MYO3B: variants seen among roughly 807,000 people sequenced by gnomAD.
MYO3B encodes myosin IIIB.
MYO3B carries 156 observed loss-of-function variants against 174.6 expected under a neutral mutation model. The observed-to-expected ratio is 0.89, with a 90% CI of 0.78 to 1.02. The LOEUF (loss-of-function observed/expected upper bound fraction) is 1.02. Ranked by LOEUF, MYO3B falls within the 50% of genes least tolerant of loss-of-function variation. MYO3B has a pLI of 0.00. For synonymous variants in MYO3B, 563 were observed against 569.1 expected, an observed-to-expected ratio of 0.99 and a Z score of 0.15; for missense variants, 1,632 against 1,639.4, an observed-to-expected ratio of 1.00 and a Z score of 0.08.
intron 24 of MYO3B, among the ~76,000 whole-genome samples, chr2:170,465,961 T>C (rs543871908): frequency 6.6e-6 from 1 of 152,298 alleles, no homozygotes; most frequent in African/African-American, 2.4e-5. Flanking sequence ...GAGAGCCCTG[T>C]ACCAGCTGCT....
intron 30 of MYO3B, among the ~76,000 whole-genome samples, chr2:170,528,945 G>A (rs1017817308): frequency 6.6e-5 from 10 of 152,164 alleles, no homozygotes; most frequent in African/African-American, 1.7e-4. Flanking sequence ...TTAGGCTCAC[G>A]TGCTCTCTGG....
At chr2:170,461,788 AAAAG>A (rs1193197029) in intron 23 of MYO3B, among the ~76,000 whole-genome samples, 3 of 152,188 alleles carry the variant, frequency 2.0e-5, no homozygotes, top group Admixed American at 6.5e-5. Flanking sequence ...AAAAAAAAAA[AAAAG>A]AAGTGGTGGA....
chr2:170,592,444 C>T (rs1693876489), intron 32 of MYO3B, among the ~76,000 whole-genome samples: 2 of 152,126 alleles, frequency 1.3e-5, no homozygotes, highest in Admixed American at 6.5e-5. Context: ...ATTAGAAAGC[C>T]TCCCCAAACA....
At chr2:170,631,076 A>G (rs538133759) in intron 32 of MYO3B, among the ~76,000 whole-genome samples, 18 of 152,326 alleles carry the variant, frequency 1.2e-4, no homozygotes, top group Non-Finnish European at 2.2e-4. Context: ...TTGAGAGAAG[A>G]AGGCTTCAGA....
At chr2:170,292,966 T>C (rs1417646284) in intron 7 of MYO3B, among the ~76,000 whole-genome samples, 1 of 152,056 alleles carries the variant, frequency 6.6e-6, no homozygotes, top group African/African-American at 2.4e-5. Flanking sequence ...ACCACCTCAA[T>C]CTCACATTTT....
chr2:170,467,714 C>T (rs1322294182), intron 25 of MYO3B, among the ~76,000 whole-genome samples: 2 of 149,992 alleles, frequency 1.3e-5, no homozygotes, highest in African/African-American at 4.9e-5. Context: ...TGCCCAAAGT[C>T]ATTTTTTCCA....
At chr2:170,510,852 C>G (rs750136242) in intron 28 of MYO3B, among the ~76,000 whole-genome samples, 7 of 152,106 alleles carry the variant, frequency 4.6e-5, no homozygotes, top group Non-Finnish European at 8.8e-5. Context: ...ACTTTTGAGT[C>G]TGGCTTTTTT....
chr2:170,534,673 T>G (rs1689572462), intron 30 of MYO3B, among the ~76,000 whole-genome samples: 1 of 152,180 alleles, frequency 6.6e-6, no homozygotes, highest in African/African-American at 2.4e-5. Context: ...CTTTTGAGCT[T>G]AAGCAGTCCT....
intron 32 of MYO3B, among the ~76,000 whole-genome samples, chr2:170,581,139 C>T (rs116144913): frequency 0.024 from 3,586 of 152,240 alleles, 66 homozygotes; most frequent in East Asian, 0.047. Flanking sequence ...CTCATACCAG[C>T]AGACTGATGA....
At chr2:170,579,755 T>C (rs923006062) in intron 32 of MYO3B, among the ~76,000 whole-genome samples, 5 of 152,194 alleles carry the variant, frequency 3.3e-5, no homozygotes, top group Non-Finnish European at 7.3e-5. Flanking sequence ...CTTGGAGCCA[T>C]TGGCACTACC....
At chr2:170,415,864 T>C (rs1430666262) in intron 22 of MYO3B, among the ~76,000 whole-genome samples, 1 of 152,198 alleles carries the variant, frequency 6.6e-6, no homozygotes, top group East Asian at 1.9e-4. Context: ...TTGATGTGGT[T>C]GTTCTTATCA....
intron 32 of MYO3B, among the ~76,000 whole-genome samples, chr2:170,616,220 G>A (rs550741940): frequency 6.6e-6 from 1 of 152,320 alleles, no homozygotes; most frequent in South Asian, 2.1e-4. Flanking sequence ...TAGAAGAGCT[G>A]TGGCAAGATG....
At chr2:170,309,402 A>G (rs1044208102) in intron 7 of MYO3B, among the ~76,000 whole-genome samples, 3 of 152,096 alleles carry the variant, frequency 2.0e-5, no homozygotes, top group African/African-American at 7.2e-5. Context: ...CCCTTGAAGG[A>G]ATGTTCTCCC....
intron 1 of MYO3B, among the ~76,000 whole-genome samples, chr2:170,192,529 A>T (rs1157448082): frequency 6.7e-6 from 1 of 150,194 alleles, no homozygotes; most frequent in African/African-American, 2.4e-5. Flanking sequence ...ATTTAATTAT[A>T]TATTCTACTG....
intron 32 of MYO3B, among the ~76,000 whole-genome samples, chr2:170,594,827 G>GCGCACACA (rs1030714860): frequency 1.5e-5 from 2 of 135,100 alleles, no homozygotes; most frequent in African/African-American, 5.9e-5. Flanking sequence ...CCCAGCGCGC[G>GCGCACACA]CACACACACA....
At chr2:170,652,196 A>AG in intron 34 of MYO3B, 42 bp downstream of exon 34, 4 of 1,573,928 alleles carry the variant, frequency 2.5e-6, no homozygotes, top group Non-Finnish European at 3.5e-6. Context: ...TGTAAACAGA[A>AG]GGGGTCCTTT....
Position 170,335,382 on chromosome 2 carries a change from C to G in MYO3B, c.750-3C>G, listed in dbSNP as rs1404918815. 6.2e-7 allele frequency: 1 copy of G among 1,603,002 alleles called. No homozygotes were observed. On this transcript the variant is annotated splice_region_variant and splice_polypyrimidine_tract_variant and intron_variant, in intron 7 of 34. Transcript: ENST00000408978. The stretch of plus-strand genomic sequence containing the variant: ...TAAGAAAAAATTGCTGTTATTTTTT[C>G]AGAAATCCTCCACCTACTTTACTTC...
intron 25 of MYO3B, among the ~76,000 whole-genome samples, chr2:170,474,554 T>C (rs1000738269): frequency 8.0e-5 from 12 of 150,778 alleles, no homozygotes; most frequent in African/African-American, 2.7e-4. Flanking sequence ...CTGACCAACA[T>C]GGAGAAACCC....
intron 23 of MYO3B, among the ~76,000 whole-genome samples, chr2:170,452,593 A>G (rs1683660188): frequency 1.3e-5 from 2 of 152,340 alleles, no homozygotes; most frequent in East Asian, 1.9e-4. Context: ...CTCTTATTCC[A>G]GACTCCAGCC....
Sources: allele counts gnomAD v4.1 joint callset (sites outside exome capture counted in the v4.1 genomes callset), GRCh38; gene constraint gnomAD v4.1.1; transcripts MANE v1.5; gene names NCBI Gene and HGNC (gene_info 2026-07-23, HGNC 2026-07-21).